NR3C2: variants seen among roughly 807,000 people sequenced by gnomAD.
NR3C2 encodes the protein mineralocorticoid receptor.
In NR3C2, 15 loss-of-function variants were observed where a neutral mutation model predicts 86.4. The ratio of observed to expected loss-of-function variants is 0.17; its 90% CI spans 0.12 to 0.27. The LOEUF (loss-of-function observed/expected upper bound fraction) is 0.27, where lower values mean the gene tolerates loss of function less well. Ranked by LOEUF, NR3C2 falls within the 10% of genes least tolerant of loss-of-function variation. NR3C2 has a pLI of 1.00. For missense variants in NR3C2, 960 were observed against 1,195.6 expected, an observed-to-expected ratio of 0.80 and a Z score of 2.91; for synonymous variants, 458 against 450.5, an observed-to-expected ratio of 1.02 and a Z score of -0.21.
chr4:148,306,953 T>C (rs1359489105), intron 2 of NR3C2, among the ~76,000 whole-genome samples: 1 of 152,226 alleles, frequency 6.6e-6, no homozygotes, highest in Non-Finnish European at 1.5e-5. Context: ...GTGACAGCTT[T>C]ATAAATAACA....
intron 2 of NR3C2, among the ~76,000 whole-genome samples, chr4:148,368,643 G>C (rs958027827): frequency 6.6e-6 from 1 of 152,060 alleles, no homozygotes; most frequent in Non-Finnish European, 1.5e-5. Flanking sequence ...ATAATGGTTC[G>C]CTGAATTTCA....
In NR3C2 at chr4:148,121,648, G is replaced by T. The variant is rs554740403; in HGVS notation, c.2511-1360C>A. On this transcript the variant is annotated intron_variant, in intron 6 of 8. Coordinates refer to ENST00000358102, the MANE Select transcript of NR3C2 (RefSeq NM_000901.5). ...TCTGGGTGATTATCATTTCCTCTCA[G>T]ATGTGTCTATTTCACTACACATGTA... 3.3e-5 allele frequency among the ~76,000 whole-genome samples: 5 copies of T among 152,260 alleles called. No individual in the cohort carries two copies. In the South Asian group the frequency reaches 1.0e-3, roughly 32 times the overall value.
At chr4:148,340,663 C>T (rs1245142353) in intron 2 of NR3C2, among the ~76,000 whole-genome samples, 2 of 152,042 alleles carry the variant, frequency 1.3e-5, no homozygotes, top group African/African-American at 2.4e-5. Context: ...AAAGCTTCTG[C>T]ACTGCAAAAG....
At chr4:148,149,937 T>C (rs1734031394) in intron 6 of NR3C2, among the ~76,000 whole-genome samples, 1 of 152,228 alleles carries the variant, frequency 6.6e-6, no homozygotes, top group Admixed American at 6.5e-5. Context: ...AGAACCCTTG[T>C]ACATTGCTGC....
intron 4 of NR3C2, among the ~76,000 whole-genome samples, chr4:148,181,016 G>T (rs758607790): frequency 6.6e-6 from 1 of 152,008 alleles, no homozygotes; most frequent in Non-Finnish European, 1.5e-5. Context: ...GATCCTTCTC[G>T]CTTTTCCTGT....
intron 4 of NR3C2, among the ~76,000 whole-genome samples, chr4:148,158,705 T>C (rs1005934588): frequency 2.0e-5 from 3 of 152,228 alleles, no homozygotes; most frequent in African/African-American, 7.2e-5. Flanking sequence ...GCTTTAGGCT[T>C]TCAGTCTACA....
chr4:148,233,567 C>T (rs1738575995), intron 3 of NR3C2, among the ~76,000 whole-genome samples: 1 of 151,920 alleles, frequency 6.6e-6, no homozygotes, highest in Non-Finnish European at 1.5e-5. Context: ...ACCATGTTGT[C>T]CAGGCTGGTC....
intron 6 of NR3C2, among the ~76,000 whole-genome samples, chr4:148,136,065 A>AC (rs1733305824): frequency 1.0e-5 from 1 of 96,840 alleles, no homozygotes; most frequent in Non-Finnish European, 2.3e-5. Flanking sequence ...TCAAAAAAAA[A>AC]AAAAAAAAAA....
chr4:148,359,368 G>A (rs563136895), intron 2 of NR3C2, among the ~76,000 whole-genome samples: 2 of 152,124 alleles, frequency 1.3e-5, no homozygotes, highest in Non-Finnish European at 2.9e-5. Flanking sequence ...ACATGTTCCT[G>A]ATAGAAGTTA....
At chr4:148,265,616 A>G (rs147967890) in intron 2 of NR3C2, among the ~76,000 whole-genome samples, 3,738 of 152,302 alleles carry the variant, frequency 0.025, 137 homozygotes, top group African/African-American at 0.086. Flanking sequence ...TGAATTAAAC[A>G]AACCTATCTT....
intron 2 of NR3C2, among the ~76,000 whole-genome samples, chr4:148,379,759 AT>A (rs998406575): frequency 2.6e-5 from 4 of 152,070 alleles, no homozygotes; most frequent in African/African-American, 4.8e-5. Flanking sequence ...ATTAGAAAAT[AT>A]ATTTTCAAAG....
upstream of NR3C2, chr4:148,444,117 C>G (rs1750483377): frequency 2.0e-6 from 2 of 985,322 alleles, no homozygotes; most frequent in Non-Finnish European, 2.4e-6. Context: ...CGGCAGAGCG[C>G]GGGCGGCGGG....
At chr4:148,391,580 A>T (rs1309444068) in intron 2 of NR3C2, among the ~76,000 whole-genome samples, 1 of 152,176 alleles carries the variant, frequency 6.6e-6, no homozygotes, top group East Asian at 1.9e-4. Flanking sequence ...TAAATAAAAG[A>T]TCAAGGACAG....
chr4:148,410,198 A>G (rs576152142), intron 2 of NR3C2, among the ~76,000 whole-genome samples: 1 of 152,348 alleles, frequency 6.6e-6, no homozygotes, highest in East Asian at 1.9e-4. Flanking sequence ...TCCCATTGTT[A>G]TGAAATGTAA....
intron 2 of NR3C2, among the ~76,000 whole-genome samples, chr4:148,408,004 AC>A (rs1434549186): frequency 2.0e-5 from 3 of 152,230 alleles, no homozygotes; most frequent in African/African-American, 7.2e-5. Context: ...TTCAGAGCAC[AC>A]CAAAAGCAGA....
chr4:148,340,235 G>C (rs1744686129), intron 2 of NR3C2, among the ~76,000 whole-genome samples: 2 of 152,084 alleles, frequency 1.3e-5, no homozygotes, highest in Non-Finnish European at 2.9e-5. Context: ...CAGAAGGGGA[G>C]GGATCACACT....
chr4:148,362,887 C>T (rs1426542994), intron 2 of NR3C2, among the ~76,000 whole-genome samples: 1 of 152,138 alleles, frequency 6.6e-6, no homozygotes, highest in African/African-American at 2.4e-5. Context: ...CTATGGCTCT[C>T]ATGGCGTTTC....
At chr4:148,325,967 T>C (rs549451001) in intron 2 of NR3C2, among the ~76,000 whole-genome samples, 66 of 152,338 alleles carry the variant, frequency 4.3e-4, no homozygotes, top group African/African-American at 2.4e-5. Flanking sequence ...GTTAAGATGT[T>C]TGGAGACAAA....
intron 6 of NR3C2, among the ~76,000 whole-genome samples, chr4:148,139,696 G>A (rs1025255526): frequency 2.0e-5 from 3 of 152,186 alleles, no homozygotes; most frequent in Non-Finnish European, 2.9e-5. Flanking sequence ...TGATCCAAGT[G>A]CACAGTGCGC....
Sources: gnomAD v4.1 joint callset for allele counts (sites outside exome capture counted in the v4.1 genomes callset) on GRCh38, gnomAD v4.1.1 for gene constraint, MANE v1.5 for transcripts, NCBI Gene and HGNC (gene_info 2026-07-23, HGNC 2026-07-21) for gene names.